PTGFR: variants seen among roughly 807,000 people sequenced by gnomAD.
PTGFR encodes prostaglandin F receptor, also known as prostaglandin F2-alpha receptor.
PTGFR carries 15 observed loss-of-function variants against 26.2 expected under a neutral mutation model. That is an observed-to-expected ratio of 0.57 (90% CI 0.38 to 0.88). The LOEUF is 0.88. Ranked by LOEUF, PTGFR falls within the 40% of genes least tolerant of loss-of-function variation. The probability of loss-of-function intolerance (pLI) is 0.00; values close to 1 mark genes in which losing one functional copy is unlikely to be tolerated. For missense variants in PTGFR, 369 were observed against 427.2 expected, an observed-to-expected ratio of 0.86 and a Z score of 1.20; for synonymous variants, 165 against 151.1, an observed-to-expected ratio of 1.09 and a Z score of -0.68.
intron 2 of PTGFR, among the ~76,000 whole-genome samples, chr1:78,496,012 AG>A (rs1649538947): frequency 6.6e-6 from 1 of 152,172 alleles, no homozygotes; most frequent in Non-Finnish European, 1.5e-5. Context: ...GATCCACCAC[AG>A]GTATTACTTT....
At chr1:78,520,317 A>C (rs1357863326) in intron 2 of PTGFR, among the ~76,000 whole-genome samples, 1 of 152,124 alleles carries the variant, frequency 6.6e-6, no homozygotes, top group Non-Finnish European at 1.5e-5. Context: ...GTGTTCTTTT[A>C]AGTGAGGCCA....
At chr1:78,494,600 TTTTGTTTG>T (rs145200664) in intron 2 of PTGFR, among the ~76,000 whole-genome samples, 6 of 152,104 alleles carry the variant, frequency 3.9e-5, no homozygotes, top group African/African-American at 1.2e-4. Context: ...AGTGCAGGTT[TTTTGTTTG>T]TTTGTTTGTT....
In PTGFR at chr1:78,536,624, A is replaced by T. The variant is rs138326991; in HGVS notation, c.1017A>T (p.Lys339Asn). Residue 339 changes from lysine to asparagine, a missense_variant, in exon 3 of 3, where the codon AAA (lysine) becomes AAT (asparagine). Lys to Asn is a moderately conservative substitution (Grantham distance 94). Coordinates refer to ENST00000370757, the MANE Select transcript of PTGFR (RefSeq NM_000959.4). Reference protein sequence around the residue: ...SLHIWELSSIKNSLKVAAISE... With the variant: ...SLHIWELSSINNSLKVAAISE... ...ATATTTGGGAGCTTAGTTCCATTAA[A>T]AATTCCTTAAAGGTTGCTGCTATTT... is the stretch of plus-strand genomic sequence containing the variant. The T allele has an allele frequency of 1.5e-5, 24 of 1,613,128 alleles. No homozygotes were observed. Among genetic ancestry groups the T allele is most frequent in the Non-Finnish European group, 1.9e-5 (23 of 1,179,556 alleles).
rs529584055 is a variant in PTGFR at position 78,521,058 on chromosome 1, G to C, written c.799-15348G>C. On this transcript the variant is annotated intron_variant, in intron 2 of 2. Coordinates refer to ENST00000370757, the MANE Select transcript of PTGFR (RefSeq NM_000959.4). Reference sequence around the variant, plus strand: ...AGCCACATGCGGGCTGCCTAGGCTGGCTCCTCTCTCTTAATTTCCCATCCC... The same window carrying C: ...AGCCACATGCGGGCTGCCTAGGCTGCCTCCTCTCTCTTAATTTCCCATCCC... Among the ~76,000 whole-genome samples the C allele has an allele frequency of 1.8e-4, 28 of 152,068 alleles. 1 individual carries two copies. Among genetic ancestry groups the C allele is most frequent in the Non-Finnish European group, 3.1e-4 (21 of 67,956 alleles).
At chr1:78,507,520 G>C (rs1229749272) in intron 2 of PTGFR, among the ~76,000 whole-genome samples, 1 of 152,112 alleles carries the variant, frequency 6.6e-6, no homozygotes, top group African/African-American at 2.4e-5. Flanking sequence ...ATTTTTGGAA[G>C]TTCCATAGGG....
At chr1:78,497,987 T>G in intron 2 of PTGFR, 1 of 1,419,046 alleles carries the variant, frequency 7.0e-7, no homozygotes, top group South Asian at 1.2e-5. Context: ...AATGTAGAAT[T>G]GGAGCTTGAT....
intron 2 of PTGFR, among the ~76,000 whole-genome samples, chr1:78,504,262 C>A (rs34852041): frequency 2.0e-5 from 3 of 152,002 alleles, no homozygotes; most frequent in Admixed American, 2.0e-4. Flanking sequence ...AATCCCACTA[C>A]CCAGAAATAA....
chr1:78,529,031 A>T (rs1268933135), intron 2 of PTGFR, among the ~76,000 whole-genome samples: 1 of 152,200 alleles, frequency 6.6e-6, no homozygotes, highest in African/African-American at 2.4e-5. Context: ...CAATAAGTAG[A>T]TAGATGAGAA....
intron 2 of PTGFR, among the ~76,000 whole-genome samples, chr1:78,505,999 C>T (rs1649819775): frequency 6.6e-6 from 1 of 152,114 alleles, no homozygotes; most frequent in South Asian, 2.1e-4. Context: ...CTACTATGAA[C>T]ATTTGTGTAC....
chr1:78,505,454 T>C (rs1238503398), intron 2 of PTGFR, among the ~76,000 whole-genome samples: 1 of 152,218 alleles, frequency 6.6e-6, no homozygotes, highest in Non-Finnish European at 1.5e-5. Flanking sequence ...TTGTTTCTAC[T>C]GTAAATATAA....
intron 2 of PTGFR, among the ~76,000 whole-genome samples, chr1:78,506,707 C>T (rs1287379889): frequency 6.6e-6 from 1 of 151,870 alleles, no homozygotes; most frequent in Non-Finnish European, 1.5e-5. Context: ...AATATAATAG[C>T]ATATTTGAAT....
At position 78,540,576 on chromosome 1, in the gene PTGFR, T is replaced by C. The variant is rs1650772179; in HGVS notation, c.*3889T>C. Among the ~76,000 whole-genome samples, 1 of 152,086 alleles carries C rather than the reference T, an allele frequency of 6.6e-6. No homozygotes were observed. The highest frequency in any genetic ancestry group is 1.5e-5 in the Non-Finnish European group (1 of 67,988). On this transcript the variant is annotated 3_prime_UTR_variant, in exon 3 of 3. Coordinates refer to ENST00000370757, the MANE Select transcript of PTGFR (RefSeq NM_000959.4). ...TTAGATGACTAAAAGGACTATATAA[T>C]AGAAAGAGGGAAATCTTGGTTCTTA...
At chr1:78,512,537 A>G (rs1233932329) in intron 2 of PTGFR, among the ~76,000 whole-genome samples, 1 of 152,178 alleles carries the variant, frequency 6.6e-6, no homozygotes, top group African/African-American at 2.4e-5. Flanking sequence ...ATGAACTCAG[A>G]GCAAGAAATT....
In PTGFR at chr1:78,501,821, A is replaced by G. The variant is rs370578258; in HGVS notation, c.798+8280A>G. ...TCTAAGACAATTGTGCATATCCGTG[A>G]TTATAATAATCGTAAACTCAGATGT... On this transcript the variant is annotated intron_variant, in intron 2 of 2. Transcript: ENST00000370757. 5.3e-5 allele frequency among the ~76,000 whole-genome samples: 8 copies of G among 152,262 alleles called. 1 individual carries two copies. In the East Asian group the frequency reaches 1.5e-3, roughly 29 times the overall value.
chr1:78,516,421 T>C (rs1650091631), intron 2 of PTGFR, among the ~76,000 whole-genome samples: 1 of 152,140 alleles, frequency 6.6e-6, no homozygotes, highest in Non-Finnish European at 1.5e-5. Flanking sequence ...CACAAAGACA[T>C]GAAGATGGTT....
At chr1:78,506,781 T>A (rs1473694282) in intron 2 of PTGFR, among the ~76,000 whole-genome samples, 1 of 152,206 alleles carries the variant, frequency 6.6e-6, no homozygotes, top group Non-Finnish European at 1.5e-5. Flanking sequence ...AGCATTTCTG[T>A]ATCCTGGAGT....
At chr1:78,494,662 G>A (rs1001327718) in intron 2 of PTGFR, among the ~76,000 whole-genome samples, 3 of 152,324 alleles carry the variant, frequency 2.0e-5, no homozygotes, top group South Asian at 4.1e-4. Context: ...CTGGAGTACA[G>A]TGGTGCGATC....
intron 2 of PTGFR, among the ~76,000 whole-genome samples, chr1:78,515,650 A>C (rs1253164474): frequency 6.6e-6 from 1 of 152,226 alleles, no homozygotes. Flanking sequence ...AATATTCTCC[A>C]AGAAATCTGC....
At position 78,536,960 on chromosome 1, in the gene PTGFR, A is replaced by G. The variant is rs1159256520; in HGVS notation, c.*273A>G. The G allele has an allele frequency of 7.8e-5, 31 of 399,942 alleles. No homozygotes were observed. The highest frequency in any genetic ancestry group is 1.0e-4 in the Non-Finnish European group (23 of 223,350). 24.8% of individuals were successfully genotyped at this position (399,942 alleles called of 1,614,324 possible). A position where few individuals can be genotyped will look rare whatever the true frequency, so the allele number is the denominator to read the frequency against. On this transcript the variant is annotated 3_prime_UTR_variant, in exon 3 of 3. Transcript: ENST00000370757. Reference sequence around the variant, plus strand: ...AATTTTGAGCTTATCTGTCTTATTTATGCTTTGAGTGAATCATCTGTTGAG... The same window carrying G: ...AATTTTGAGCTTATCTGTCTTATTTGTGCTTTGAGTGAATCATCTGTTGAG...
Sources: allele counts gnomAD v4.1 joint callset (sites outside exome capture counted in the v4.1 genomes callset), GRCh38; gene constraint gnomAD v4.1.1; transcripts MANE v1.5; gene names NCBI Gene and HGNC (gene_info 2026-07-23, HGNC 2026-07-21).